Variants in PPARGC1A observed in about 807,000 individuals in gnomAD.
The protein encoded by PPARGC1A is PPARG coactivator 1 alpha, also known as peroxisome proliferator-activated receptor gamma coactivator 1-alpha.
A neutral mutation model predicts 88.7 loss-of-function variants in PPARGC1A; 25 were observed. The observed-to-expected ratio is 0.28, with a 90% CI of 0.21 to 0.39. The LOEUF is 0.39. Among genes scored for constraint, PPARGC1A ranks in the 10% least tolerant of loss-of-function variants. The pLI is 1.00. For missense variants in PPARGC1A, 880 were observed against 968.7 expected, an observed-to-expected ratio of 0.91 and a Z score of 1.22; for synonymous variants, 363 against 355.6, an observed-to-expected ratio of 1.02 and a Z score of -0.24.
chr4:24,086,637 C>T, the PPARGC1A span, among the ~76,000 whole-genome samples: 26 of 152,162 alleles, frequency 1.7e-4, no homozygotes, highest in Non-Finnish European at 2.9e-5. Context: ...CCTTGCGTTG[C>T]AGGGCAACAT....
chr4:23,970,395 T>C, the PPARGC1A span, among the ~76,000 whole-genome samples: 1 of 152,348 alleles, frequency 6.6e-6, no homozygotes, highest in African/African-American at 2.4e-5. Flanking sequence ...CTTGCAACTC[T>C]GAGTGCAGCC....
chr4:23,850,322 G>C lies in PPARGC1A; in HGVS notation c.235-18571C>G, dbSNP rs1327006139. Among the ~76,000 whole-genome samples, 11 of 152,290 alleles carry C rather than the reference G, an allele frequency of 7.2e-5. No homozygotes were observed. The East Asian group carries it at 2.1e-3, about 29-fold the overall frequency. ...CTTTGGGAGCTGTCGCTAAAATAAAGCATAAGAAGAGAAGCAAGAATTTTC... is the reference window on the plus strand; with the variant it reads ...CTTTGGGAGCTGTCGCTAAAATAAACCATAAGAAGAGAAGCAAGAATTTTC... On this transcript the variant is annotated intron_variant, in intron 2 of 12. Transcript: ENST00000264867.
At chr4:24,099,767 A>T in the PPARGC1A span, among the ~76,000 whole-genome samples, 1 of 151,988 alleles carries the variant, frequency 6.6e-6, no homozygotes, top group Non-Finnish European at 1.5e-5. Flanking sequence ...TTTACTCGTA[A>T]TACCAACATC....
the PPARGC1A span, among the ~76,000 whole-genome samples, chr4:24,131,064 T>G: frequency 6.6e-6 from 1 of 152,196 alleles, no homozygotes; most frequent in Non-Finnish European, 1.5e-5. Flanking sequence ...ACTGCAACTT[T>G]ACAGCACTTC....
the PPARGC1A span, among the ~76,000 whole-genome samples, chr4:24,117,550 C>T: frequency 6.6e-6 from 1 of 150,764 alleles, no homozygotes; most frequent in Non-Finnish European, 1.5e-5. Flanking sequence ...TCTCTCTTGC[C>T]CACATACATC....
the PPARGC1A span, among the ~76,000 whole-genome samples, chr4:24,322,941 T>C: frequency 9.8e-5 from 15 of 152,298 alleles, no homozygotes; most frequent in Non-Finnish European, 1.2e-4. Flanking sequence ...TATCATTGTA[T>C]TATCTACATT....
At chr4:24,234,779 A>G in the PPARGC1A span, among the ~76,000 whole-genome samples, 1 of 152,208 alleles carries the variant, frequency 6.6e-6, no homozygotes, top group Non-Finnish European at 1.5e-5. Flanking sequence ...GTAATCCAAT[A>G]AACAGACCCC....
At chr4:24,457,436 G>C in the PPARGC1A span, among the ~76,000 whole-genome samples, 1 of 152,146 alleles carries the variant, frequency 6.6e-6, no homozygotes, top group South Asian at 2.1e-4. Context: ...TCTAGCCTGG[G>C]TCCAATCAGA....
intron 7 of PPARGC1A, among the ~76,000 whole-genome samples, chr4:23,818,274 A>T (rs562069780): frequency 2.0e-5 from 3 of 152,318 alleles, no homozygotes; most frequent in African/African-American, 7.2e-5. Context: ...ACAGATGGCC[A>T]TTACAGGCTG....
At chr4:23,950,396 G>T in the PPARGC1A span, among the ~76,000 whole-genome samples, 1 of 152,028 alleles carries the variant, frequency 6.6e-6, no homozygotes, top group East Asian at 1.9e-4. Context: ...ACACAAGATG[G>T]CCTTTAAAGG....
rs1713535265 is a variant in PPARGC1A at position 23,872,229 on chromosome 4, A to C, written c.234+12523T>G. Among the ~76,000 whole-genome samples, 4 of 152,186 alleles carry C rather than the reference A, an allele frequency of 2.6e-5. 1 individual carries two copies. The highest frequency in any genetic ancestry group is 7.2e-5 in the African/African-American group (3 of 41,520). On this transcript the variant is annotated intron_variant, in intron 2 of 12. Transcript: ENST00000264867. ...ATAGAAGCCCCACCAAGGGCACAGC[A>C]CTCTGGTCAGGTCAGACTTGCACAC...
At chr4:23,967,146 A>G in the PPARGC1A span, among the ~76,000 whole-genome samples, 2 of 152,190 alleles carry the variant, frequency 1.3e-5, no homozygotes, top group African/African-American at 4.8e-5. Flanking sequence ...CACAAAAGCC[A>G]TATGCAATAT....
the PPARGC1A span, among the ~76,000 whole-genome samples, chr4:24,241,886 GT>G: frequency 2.9e-3 from 437 of 152,294 alleles, 3 homozygotes; most frequent in African/African-American, 9.1e-3. Flanking sequence ...TCTGTATGTG[GT>G]TGAATATTTT....
the PPARGC1A span, among the ~76,000 whole-genome samples, chr4:24,244,340 T>C: frequency 6.6e-6 from 1 of 152,238 alleles, no homozygotes; most frequent in Admixed American, 6.5e-5. Flanking sequence ...GATCTTATGG[T>C]CGGATTGTCA....
chr4:24,310,947 T>C, the PPARGC1A span, among the ~76,000 whole-genome samples: 1 of 152,020 alleles, frequency 6.6e-6, no homozygotes, highest in Non-Finnish European at 1.5e-5. Context: ...GGTAAAAGAA[T>C]GCATGCTTGT....
At chr4:23,848,650 G>A (rs1728728957) in intron 2 of PPARGC1A, among the ~76,000 whole-genome samples, 1 of 152,176 alleles carries the variant, frequency 6.6e-6, no homozygotes, top group South Asian at 2.1e-4. Context: ...GTCCCCGGAA[G>A]AGCATTCAAT....
At chr4:23,892,833 A>G (rs963124958), upstream of PPARGC1A, among the ~76,000 whole-genome samples, 1 of 152,118 alleles carries the variant, frequency 6.6e-6, no homozygotes, top group Non-Finnish European at 1.5e-5. Flanking sequence ...GAGAGCTTAC[A>G]ATTTTAGGGG....
chr4:24,132,156 A>C, the PPARGC1A span, among the ~76,000 whole-genome samples: 1 of 152,144 alleles, frequency 6.6e-6, no homozygotes, highest in East Asian at 1.9e-4. Flanking sequence ...TTTGAAATAG[A>C]GGAGATTGAG....
At chr4:24,346,334 G>A in the PPARGC1A span, among the ~76,000 whole-genome samples, 799 of 152,126 alleles carry the variant, frequency 5.3e-3, 7 homozygotes, top group Non-Finnish European at 8.4e-3. Flanking sequence ...TCTATCTTGT[G>A]GAATAGTGTC....
Sources: gnomAD v4.1 joint callset for allele counts (sites outside exome capture counted in the v4.1 genomes callset) on GRCh38, gnomAD v4.1.1 for gene constraint, MANE v1.5 for transcripts, NCBI Gene and HGNC (gene_info 2026-07-23, HGNC 2026-07-21) for gene names.